Variants in PDXDC1 observed in about 807,000 individuals in gnomAD.
The protein encoded by PDXDC1 is pyridoxal-dependent decarboxylase domain-containing protein 1.
A neutral mutation model predicts 100.1 loss-of-function variants in PDXDC1; 42 were observed. The observed-to-expected ratio is 0.42, with a 90% CI of 0.33 to 0.54. PDXDC1 has a LOEUF of 0.54. PDXDC1 is among the 20% of genes least tolerant of loss of function. The pLI is 0.10. For missense variants in PDXDC1, 636 were observed against 979.2 expected (o/e 0.65, Z 4.68); for synonymous variants, 260 against 371.7 (o/e 0.70, Z 3.46).
chr16:14,991,909 T>C (rs916753349), intron 1 of PDXDC1, among the ~76,000 whole-genome samples: 7 of 152,412 alleles, frequency 4.6e-5, no homozygotes, highest in African/African-American at 1.7e-4. Context: ...TATGTTGATA[T>C]CCACTCTGGC....
chr16:15,044,569 C>G (rs1213078629), intron 16 of PDXDC1: 13 of 619,536 alleles, frequency 2.1e-5, no homozygotes, highest in Non-Finnish European at 3.2e-5. Context: ...CAGCACACTG[C>G]CAAGGCCAGT....
chr16:15,026,482 A>C (rs1337161041), intron 13 of PDXDC1, 161 bp from the exon 14 acceptor site: 2 of 652,230 alleles, frequency 3.1e-6, no homozygotes, highest in African/African-American at 3.7e-5. Context: ...ATTTTACTAA[A>C]CATTTGATTT....
chr16:15,081,571 T>C (rs1300149181), intron 16 of PDXDC1, among the ~76,000 whole-genome samples: 4 of 152,222 alleles, frequency 2.6e-5, no homozygotes, highest in Admixed American at 6.5e-5. Flanking sequence ...TCTTTACATA[T>C]ACAAGTCCAT....
downstream of PDXDC1, chr16:15,041,592 TCTTTG>T (rs1555580868): frequency 2.6e-6 from 4 of 1,545,592 alleles, no homozygotes; most frequent in African/African-American, 2.7e-5. Flanking sequence ...GAGACCCACA[TCTTTG>T]CTTTGGGGCA....
At chr16:15,035,386 A>T (rs1461622072) in intron 21 of PDXDC1, 63 bp from the exon 22 acceptor site, 1 of 819,278 alleles carries the variant, frequency 1.2e-6, no homozygotes, top group Non-Finnish European at 1.9e-6. Context: ...GTGTGAGGGC[A>T]GGTGGTGTCT....
In PDXDC1 at chr16:15,032,883, A is replaced by G; in HGVS notation, c.1594A>G (p.Lys532Glu). Residue 532 changes from lysine to glutamate, a missense_variant, in exon 18 of 23, where the codon AAG (lysine) becomes GAG (glutamate). Transcript: ENST00000396410. ...TAGGTATGAACATGCTAATGATGAT[A>G]AGAGCAGTTTGAAATCAGATCCCGA... is the stretch of plus-strand genomic sequence containing the variant. ...VVRYEHANDDKSSLKSDPEGE... is the reference protein window; with the variant it reads ...VVRYEHANDDESSLKSDPEGE... 2 of 1,602,106 alleles carry G rather than the reference A, an allele frequency of 1.2e-6. No homozygotes were observed. The highest frequency in any genetic ancestry group is 1.7e-4 in the Middle Eastern group (1 of 6,038).
chr16:15,104,622 G>C lies in PDXDC1; in HGVS notation c.1400-34257G>C, dbSNP rs760288903. The stretch of plus-strand genomic sequence containing the variant: ...CTCCGCAGGTGTCTTGAGGCTCAGG[G>C]AGTTATCAGTTATAGAATGTTGTTG... On this transcript the variant is annotated intron_variant, in intron 16 of 16. Transcript: ENST00000535621. The C allele has an allele frequency of 3.1e-6, 5 of 1,598,736 alleles. No individual in the cohort carries two copies. In the South Asian group the frequency reaches 5.5e-5, roughly 18 times the overall value.
Position 14,996,108 on chromosome 16 carries a change from C to G in PDXDC1, c.22-1645C>G, listed in dbSNP as rs556730807. Reference sequence around the variant, plus strand: ...TTAGAAGCCCCAACTGCTTACCTAACCCTTCCTTCTCAGAGTCCTCCCAGG... The same window carrying G: ...TTAGAAGCCCCAACTGCTTACCTAAGCCTTCCTTCTCAGAGTCCTCCCAGG... On this transcript the variant is annotated intron_variant, in intron 1 of 22. Transcript: ENST00000396410. Among the ~76,000 whole-genome samples the G allele has an allele frequency of 1.5e-4, 23 of 152,408 alleles. No individual in the cohort carries two copies. In the South Asian group the frequency reaches 4.3e-3, roughly 29 times the overall value.
chr16:14,978,508 GCCTCC>G (rs1347239989), intron 1 of PDXDC1, among the ~76,000 whole-genome samples: 1 of 152,292 alleles, frequency 6.6e-6, no homozygotes, highest in Non-Finnish European at 1.5e-5. Flanking sequence ...TCGCGCCTCA[GCCTCC>G]TGAGTAGCTG....
intron 16 of PDXDC1, chr16:15,047,417 C>T: frequency 1.4e-6 from 2 of 1,415,168 alleles, no homozygotes; most frequent in South Asian, 1.1e-5. Flanking sequence ...TCTCAATTCA[C>T]CTATGAGAGC....
chr16:15,007,375 C>T (rs563610580), intron 6 of PDXDC1, among the ~76,000 whole-genome samples: 10 of 152,174 alleles, frequency 6.6e-5, no homozygotes, highest in South Asian at 4.2e-4. Context: ...GGGGTTTCAC[C>T]GTGTTAGCCA....
chr16:15,048,566 A>G lies in PDXDC1; in HGVS notation c.1399+18510A>G, dbSNP rs558699470. The stretch of plus-strand genomic sequence containing the variant: ...GTGTGAGACTCTTAACAATTTTACC[A>G]TTGTAAAGAGAATCAGATTACACAG... On this transcript the variant is annotated intron_variant, in intron 16 of 16. Transcript: ENST00000535621. Among the ~76,000 whole-genome samples, 4 of 152,118 alleles carry G rather than the reference A, an allele frequency of 2.6e-5. No individual in the cohort carries two copies. The East Asian group carries it at 7.8e-4, about 30-fold the overall frequency.
intron 16 of PDXDC1, chr16:15,074,978 A>T: frequency 1.9e-6 from 2 of 1,065,408 alleles, no homozygotes; most frequent in Non-Finnish European, 2.6e-6. Flanking sequence ...GGCTGGGGAA[A>T]GCGGCTCACA....
At chr16:15,080,428 T>C (rs1184464220) in intron 16 of PDXDC1, among the ~76,000 whole-genome samples, 1 of 152,150 alleles carries the variant, frequency 6.6e-6, no homozygotes, top group Non-Finnish European at 1.5e-5. Flanking sequence ...ACATAATCAA[T>C]TTCAGAACAT....
chr16:15,032,206 C>T (rs941557837), intron 17 of PDXDC1: 3 of 380,306 alleles, frequency 7.9e-6, no homozygotes, highest in Admixed American at 7.7e-5. Context: ...CTATCCAGGG[C>T]ATATAGAGAA....
intron 16 of PDXDC1, among the ~76,000 whole-genome samples, chr16:15,117,517 C>T (rs920950396): frequency 2.6e-5 from 4 of 151,428 alleles, no homozygotes; most frequent in South Asian, 2.1e-4. Context: ...ATTAGCCAGG[C>T]GTGGTGGTCT....
At chr16:15,040,656 C>G (rs1273570849), downstream of PDXDC1, among the ~76,000 whole-genome samples, 2 of 152,130 alleles carry the variant, frequency 1.3e-5, no homozygotes, top group East Asian at 1.9e-4. Flanking sequence ...TTTCTGTTCT[C>G]AAGCAAAACC....
At chr16:15,124,226 A>G (rs1468334449) in intron 16 of PDXDC1, among the ~76,000 whole-genome samples, 1 of 152,158 alleles carries the variant, frequency 6.6e-6, no homozygotes, top group Non-Finnish European at 1.5e-5. Flanking sequence ...GGTGACCAGG[A>G]CAGACCCCCA....
At chr16:15,030,261 T>C (rs1389141378) in intron 16 of PDXDC1, among the ~76,000 whole-genome samples, 1 of 152,244 alleles carries the variant, frequency 6.6e-6, no homozygotes, top group Non-Finnish European at 1.5e-5. Context: ...GTCACCTGAA[T>C]TGGCCGGGCA....
Sources: gnomAD v4.1 joint callset for allele counts (sites outside exome capture counted in the v4.1 genomes callset) on GRCh38, gnomAD v4.1.1 for gene constraint, MANE v1.5 for transcripts, NCBI Gene and HGNC (gene_info 2026-07-23, HGNC 2026-07-21) for gene names.